Variants in ABCA13 observed in about 807,000 individuals in gnomAD.
ABCA13 encodes ATP binding cassette subfamily A member 13, also known as ATP-binding cassette sub-family A member 13.
Under a neutral mutation model 478.7 loss-of-function variants are expected in ABCA13, and 476 were observed. The ratio of observed to expected loss-of-function variants is 0.99; its 90% CI spans 0.92 to 1.07. The LOEUF (loss-of-function observed/expected upper bound fraction) is 1.07. Among genes scored for constraint, ABCA13 ranks in the 50% least tolerant of loss-of-function variants. ABCA13 has a pLI of 0.00. For missense variants in ABCA13, 6,060 were observed against 5,910.6 expected, an observed-to-expected ratio of 1.03 and a Z score of -0.83; for synonymous variants, 2,252 against 2,158.9, an observed-to-expected ratio of 1.04 and a Z score of -1.20.
chr7:48,574,413 C>T (rs1787966626), intron 55 of ABCA13, among the ~76,000 whole-genome samples: 2 of 152,134 alleles, frequency 1.3e-5, no homozygotes, highest in Admixed American at 6.6e-5. Flanking sequence ...TGCTTAATGA[C>T]AGTTTCTGTT....
intron 3 of ABCA13, among the ~76,000 whole-genome samples, chr7:48,200,546 G>A (rs1445809011): frequency 6.6e-6 from 1 of 152,190 alleles, no homozygotes; most frequent in Non-Finnish European, 1.5e-5. Context: ...TAGCTCACCA[G>A]CATTGCAAAG....
rs1326120326 is a variant in ABCA13 at position 48,229,958 on chromosome 7, A to G, written c.763+3A>G. The stretch of plus-strand genomic sequence containing the variant: ...GCAACATGGAGTAGCAGTCACCGGT[A>G]TGGGTGCCTTGTAGCTATTGCTATA... On this transcript the variant is annotated splice_donor_region_variant and intron_variant, in intron 7 of 61. Coordinates refer to ENST00000435803, the MANE Select transcript of ABCA13 (RefSeq NM_152701.5). The G allele has an allele frequency of 1.2e-6, 2 of 1,613,372 alleles. No individual in the cohort carries two copies. Among genetic ancestry groups the G allele is most frequent in the South Asian group, 1.1e-5 (1 of 90,920 alleles).
chr7:48,560,783 A>G (rs1786373967), intron 55 of ABCA13, among the ~76,000 whole-genome samples: 1 of 152,240 alleles, frequency 6.6e-6, no homozygotes, highest in South Asian at 2.1e-4. Context: ...GTTGTGCAAT[A>G]GATCTCAAAA....
intron 42 of ABCA13, among the ~76,000 whole-genome samples, chr7:48,443,158 A>G (rs1195031886): frequency 1.3e-5 from 2 of 152,086 alleles, no homozygotes; most frequent in Non-Finnish European, 2.9e-5. Context: ...CCCTGCCCAC[A>G]CCTTGCTCTT....
chr7:48,202,678 CAG>C (rs1397779299), intron 3 of ABCA13, among the ~76,000 whole-genome samples: 2 of 148,922 alleles, frequency 1.3e-5, no homozygotes, highest in African/African-American at 2.5e-5. Flanking sequence ...CAGCTAGATA[CAG>C]AGTGTCAACT....
chr7:48,175,679 C>G (rs982189971), intron 1 of ABCA13, among the ~76,000 whole-genome samples: 2 of 152,150 alleles, frequency 1.3e-5, no homozygotes, highest in Non-Finnish European at 2.9e-5. Context: ...CCTTGGCCTC[C>G]CCAAGTGGTG....
intron 42 of ABCA13, among the ~76,000 whole-genome samples, chr7:48,434,064 A>G (rs751430453): frequency 4.0e-5 from 6 of 151,614 alleles, no homozygotes; most frequent in Non-Finnish European, 8.9e-5. Flanking sequence ...ATCCTATGGT[A>G]TGTTTGATTT....
At chr7:48,492,826 G>C (rs1051341202) in intron 48 of ABCA13, among the ~76,000 whole-genome samples, 18 of 152,084 alleles carry the variant, frequency 1.2e-4, no homozygotes, top group Non-Finnish European at 1.9e-4. Flanking sequence ...AGGAGTTCGA[G>C]ACCAGCCTGG....
At chr7:48,624,059 A>AGAGT (rs1554586317) in intron 59 of ABCA13, among the ~76,000 whole-genome samples, 1 of 142,542 alleles carries the variant, frequency 7.0e-6, no homozygotes, top group African/African-American at 2.6e-5. Context: ...CACATGATAG[A>AGAGT]GTGTGTGTGT....
At chr7:48,482,538 C>T (rs1464143207) in intron 46 of ABCA13, among the ~76,000 whole-genome samples, 1 of 147,656 alleles carries the variant, frequency 6.8e-6, no homozygotes. Context: ...CCACCATGCC[C>T]AGCTAATTTT....
chr7:48,220,127 A>G (rs1584266315), intron 4 of ABCA13, among the ~76,000 whole-genome samples: 1 of 152,270 alleles, frequency 6.6e-6, no homozygotes, highest in East Asian at 1.9e-4. Context: ...GCTTCATCTT[A>G]TTTATAATCT....
At chr7:48,349,254 G>A (rs528067782) in intron 29 of ABCA13, among the ~76,000 whole-genome samples, 59 of 152,224 alleles carry the variant, frequency 3.9e-4, no homozygotes, top group South Asian at 1.7e-3. Flanking sequence ...GCCTGAGATC[G>A]GCAAATTACT....
chr7:48,362,409 C>CTTTTTTTTTTTTTTTTTTTTTCTT (rs35795708), intron 31 of ABCA13, among the ~76,000 whole-genome samples: 1 of 86,008 alleles, frequency 1.2e-5, no homozygotes, highest in Non-Finnish European at 2.2e-5. Flanking sequence ...TCCTCTTCTT[C>CTTTTTTTTTTTTTTTTTTTTTCTT]TTTTTTTTTT....
chr7:48,239,549 A>G (rs1790496798), intron 9 of ABCA13, 144 bp downstream of exon 9: 1 of 958,094 alleles, frequency 1.0e-6, no homozygotes, highest in South Asian at 2.0e-5. Context: ...CATCCTGGCC[A>G]TTGAGTGCAC....
intron 23 of ABCA13, among the ~76,000 whole-genome samples, chr7:48,301,283 A>G (rs1049512139): frequency 6.6e-6 from 1 of 152,098 alleles, no homozygotes; most frequent in African/African-American, 2.4e-5. Context: ...AGTTTGGTGA[A>G]TCTGGTCAAA....
At chr7:48,591,414 C>G (rs1379255179) in intron 57 of ABCA13, among the ~76,000 whole-genome samples, 1 of 151,820 alleles carries the variant, frequency 6.6e-6, no homozygotes, top group Non-Finnish European at 1.5e-5. Flanking sequence ...AATGTGAGGC[C>G]TCCAGCACCA....
At chr7:48,287,936 T>C in intron 19 of ABCA13, 24 bp from the exon 20 acceptor site, 2 of 1,586,120 alleles carry the variant, frequency 1.3e-6, no homozygotes, top group Non-Finnish European at 1.7e-6. Flanking sequence ...TATTAATTAT[T>C]TCTCTGTGTG....
Position 48,240,841 on chromosome 7 carries a change from T to C in ABCA13, c.1063-26T>C, listed in dbSNP as rs73341723. ...CTTTCCAATTTGCTATTATTAATGC[T>C]AGTATTTTGGTTTCCGAATTTGTAG... On this transcript the variant is annotated intron_variant, in intron 9 of 61. Coordinates refer to ENST00000435803, the MANE Select transcript of ABCA13 (RefSeq NM_152701.5). The C allele has an allele frequency of 5.5e-3, 8,052 of 1,475,150 alleles. 363 individuals are homozygous for C. In the African/African-American group the frequency reaches 0.1, roughly 18 times the overall value. The allele number at this position is 1,475,150 out of a possible 1,614,324, so 91.4% of individuals were successfully genotyped here.
intron 41 of ABCA13, among the ~76,000 whole-genome samples, chr7:48,426,713 G>A (rs1220033252): frequency 6.6e-6 from 1 of 152,200 alleles, no homozygotes; most frequent in African/African-American, 2.4e-5. Flanking sequence ...CTAAGGGAGA[G>A]AGTGGCAATG....
Sources: allele counts gnomAD v4.1 joint callset (sites outside exome capture counted in the v4.1 genomes callset), GRCh38; gene constraint gnomAD v4.1.1; transcripts MANE v1.5; gene names NCBI Gene and HGNC (gene_info 2026-07-23, HGNC 2026-07-21).